Variants in UPK3A observed in about 807,000 individuals in gnomAD.
UPK3A encodes uroplakin-3a.
Under a neutral mutation model 27.6 loss-of-function variants are expected in UPK3A, and 32 were observed. The observed-to-expected ratio is 1.16, with a 90% CI of 0.87 to 1.55. The LOEUF is 1.55. UPK3A is among the 40% of genes most tolerant of loss of function. UPK3A has a pLI of 0.00. For missense variants in UPK3A, 370 were observed against 367.9 expected (o/e 1.01, Z -0.05); for synonymous variants, 171 against 163.9 (o/e 1.04, Z -0.33).
intron 4 of UPK3A, among the ~76,000 whole-genome samples, chr22:45,291,896 G>A (rs1033289995): frequency 1.3e-5 from 2 of 151,088 alleles, no homozygotes; most frequent in African/African-American, 4.9e-5. Flanking sequence ...GGGCGTGTGA[G>A]TTGGTATGTG....
chr22:45,286,124 T>C lies in UPK3A; in HGVS notation c.208+28T>C, dbSNP rs1351039317. On this transcript the variant is annotated intron_variant, in intron 2 of 5. Coordinates refer to ENST00000216211, the MANE Select transcript of UPK3A (RefSeq NM_006953.4). ...AAGGGTCCTGCTTCCCTCTGGCTAC[T>C]CCAAAAGGGGCTCTGACCTGTCTGC... 3 of 1,613,488 alleles carry C rather than the reference T, an allele frequency of 1.9e-6. No homozygotes were observed. In the African/African-American group the frequency reaches 4.0e-5, roughly 22 times the overall value.
At chr22:45,293,455 C>A (rs2084175825) in intron 5 of UPK3A, 142 bp downstream of exon 5, 1 of 1,105,582 alleles carries the variant, frequency 9.0e-7, no homozygotes, top group East Asian at 2.4e-5. Context: ...CGGGTGGGGT[C>A]TGGTGAAGAG....
rs541998846 is a variant in UPK3A, at chr22:45,286,416, C to G, written c.208+320C>G. The stretch of plus-strand genomic sequence containing the variant: ...AAGGCTCAGAGAGGTGGAATAACCC[C>G]CCCTGGACCTCCCAGGGCTGGAGAG... On this transcript the variant is annotated intron_variant, in intron 2 of 5. Transcript: ENST00000216211. 3.0e-4 allele frequency among the ~76,000 whole-genome samples: 45 copies of G among 152,264 alleles called. No homozygotes were observed. The South Asian group carries it at 8.7e-3, about 29-fold the overall frequency.
rs985495881 is a variant in UPK3A, at chr22:45,295,564, A to G, written c.709A>G (p.Met237Val). 1 of 1,612,700 alleles carries G rather than the reference A, an allele frequency of 6.2e-7. No homozygotes were observed. Among genetic ancestry groups the G allele is most frequent in the Non-Finnish European group, 8.5e-7 (1 of 1,179,460 alleles). ...TCTTTCCATCCCCTTGGACAGGGACATGGGGAGTTCTGATGGGGAAACGAC... is the reference window on the plus strand; with the variant it reads ...TCTTTCCATCCCCTTGGACAGGGACGTGGGGAGTTCTGATGGGGAAACGAC... ...AGAIALSLVDMGSSDGETTHD... is the reference protein window; with the variant it reads ...AGAIALSLVDVGSSDGETTHD... The change falls in exon 6 of 6, where the codon ATG becomes GTG. Residue 237 changes from methionine (M) to valine (V), a missense_variant. Met to Val is a conservative substitution (Grantham distance 21). Coordinates refer to ENST00000216211, the MANE Select transcript of UPK3A (RefSeq NM_006953.4).
In UPK3A at chr22:45,295,600, C is replaced by T; in HGVS notation, c.745C>T (p.Gln249Ter). The T allele has an allele frequency of 2.5e-6, 4 of 1,614,044 alleles. 1 individual carries two copies. The Middle Eastern group carries it at 5.0e-4, about 200-fold the overall frequency. ...SSDGETTHDS[Q>*]ITQEAVPKSL... Reference sequence around the variant, plus strand: ...TGATGGGGAAACGACTCACGACTCCCAAATCACTCAGGAGGCTGTTCCCAA... The same window carrying T: ...TGATGGGGAAACGACTCACGACTCCTAAATCACTCAGGAGGCTGTTCCCAA... Residue 249 changes from glutamine (Q) to a stop codon, truncating the protein, a stop_gained, in exon 6 of 6, where the codon CAA becomes TAA. Coordinates refer to ENST00000216211, the MANE Select transcript of UPK3A (RefSeq NM_006953.4). LOFTEE classifies it high-confidence loss of function.
Position 45,293,057 on chromosome 22 carries a change from AC to A in UPK3A, c.572-123del, listed in dbSNP as rs1209750744. 4 of 1,435,410 alleles carry A rather than the reference AC, an allele frequency of 2.8e-6. No homozygotes were observed. The African/African-American group carries it at 5.6e-5, about 20-fold the overall frequency. 88.9% of individuals were successfully genotyped at this position (1,435,410 alleles called of 1,614,324 possible). ...CCTAAAACCTGAGAGAAGTCGCCCCACTGGGTCCCAGGGTCATCCCTGGATC... is the reference window on the plus strand; with the variant it reads ...CCTAAAACCTGAGAGAAGTCGCCCCATGGGTCCCAGGGTCATCCCTGGATC... On this transcript the variant is annotated intron_variant, in intron 4 of 5. Transcript: ENST00000216211.
intron 2 of UPK3A, among the ~76,000 whole-genome samples, chr22:45,286,780 G>A (rs1601846836): frequency 6.6e-6 from 1 of 152,232 alleles, no homozygotes; most frequent in South Asian, 2.1e-4. Context: ...GGTAGAGTGA[G>A]TTGTCCAAGG....
At chr22:45,289,614 C>T (rs1045397429) in intron 4 of UPK3A, among the ~76,000 whole-genome samples, 3 of 148,640 alleles carry the variant, frequency 2.0e-5, no homozygotes, top group Admixed American at 6.7e-5. Flanking sequence ...ATTAGCTGGG[C>T]GTGGTGGCAC....
Position 45,295,653 on chromosome 22 carries a change from C to T in UPK3A, c.798C>T (p.Tyr266=), listed in dbSNP as rs1433196564. The part of the protein sequence containing the change: ...PKSLGASESS[Y]TSVNRGPPLD... Reference sequence around the variant, plus strand: ...CGCTGGGGGCCTCGGAGTCTTCCTACACGTCCGTGAACCGGGGGCCGCCAC... The same window carrying T: ...CGCTGGGGGCCTCGGAGTCTTCCTATACGTCCGTGAACCGGGGGCCGCCAC... Residue 266 remains tyrosine (Y), a synonymous_variant, in exon 6 of 6, where the codon TAC becomes TAT. Transcript: ENST00000216211. 6.2e-7 allele frequency: 1 copy of T among 1,614,018 alleles called. No individual in the cohort carries two copies. The highest frequency in any genetic ancestry group is 8.5e-7 in the Non-Finnish European group (1 of 1,180,020).
Position 45,290,856 on chromosome 22 carries a change from G to A in UPK3A, c.571+1713G>A, listed in dbSNP as rs111470953. The stretch of plus-strand genomic sequence containing the variant: ...GAGCGCGAACCCTGTTGTGAACTGC[G>A]CATGCCAGGGATTAGGTTGCATGCT... On this transcript the variant is annotated intron_variant, in intron 4 of 5. Transcript: ENST00000216211. Among the ~76,000 whole-genome samples, 24 of 152,258 alleles carry A rather than the reference G, an allele frequency of 1.6e-4. 1 individual carries two copies. The highest frequency in any genetic ancestry group is 4.6e-4 in the Admixed American group (7 of 15,306).
Position 45,295,665 on chromosome 22 carries a change from C to G in UPK3A, c.810C>G (p.Asn270Lys). The change falls in exon 6 of 6, where the codon AAC becomes AAG. Residue 270 changes from asparagine to lysine, a missense_variant. Asn to Lys is a moderately conservative substitution (Grantham distance 94). Coordinates refer to ENST00000216211, the MANE Select transcript of UPK3A (RefSeq NM_006953.4). Reference protein sequence around the residue: ...GASESSYTSVNRGPPLDRAEV... With the variant: ...GASESSYTSVKRGPPLDRAEV... ...CGGAGTCTTCCTACACGTCCGTGAA[C>G]CGGGGGCCGCCACTGGACAGGGCTG... is the stretch of plus-strand genomic sequence containing the variant. The G allele has an allele frequency of 1.2e-6, 2 of 1,613,908 alleles. No homozygotes were observed. Among genetic ancestry groups the G allele is most frequent in the Non-Finnish European group, 1.7e-6 (2 of 1,180,020 alleles).
chr22:45,285,951 G>A lies in UPK3A; in HGVS notation c.63G>A (p.Leu21=). ...GCLRFGSAVN[L]QPQLASVTFA... ...CACTGCCTCCTCCAGCTGTGAACCTGCAGCCCCAACTGGCCAGTGTGACTT... is the reference window on the plus strand; with the variant it reads ...CACTGCCTCCTCCAGCTGTGAACCTACAGCCCCAACTGGCCAGTGTGACTT... Residue 21 remains leucine (L), a synonymous_variant, in exon 2 of 6, where the codon CTG becomes CTA. Coordinates refer to ENST00000216211, the MANE Select transcript of UPK3A (RefSeq NM_006953.4). The A allele has an allele frequency of 6.2e-7, 1 of 1,614,024 alleles. No individual in the cohort carries two copies. Among genetic ancestry groups the A allele is most frequent in the Middle Eastern group, 1.7e-4 (1 of 5,962 alleles).
intron 4 of UPK3A, among the ~76,000 whole-genome samples, chr22:45,290,536 G>A (rs1050652628): frequency 6.6e-6 from 1 of 152,026 alleles, no homozygotes; most frequent in South Asian, 2.1e-4. Context: ...ACGGTGTTGC[G>A]TATGTGTGTG....
At chr22:45,287,538 A>T in intron 3 of UPK3A, 87 bp downstream of exon 3, 3 of 1,499,822 alleles carry the variant, frequency 2.0e-6, no homozygotes, top group Non-Finnish European at 2.7e-6. Flanking sequence ...GAGCAGCCAC[A>T]CTTCTTGAGA....
At chr22:45,294,320 C>G (rs1011584210) in intron 5 of UPK3A, among the ~76,000 whole-genome samples, 1 of 151,906 alleles carries the variant, frequency 6.6e-6, no homozygotes, top group African/African-American at 2.4e-5. Context: ...GGGTGGAGAT[C>G]GAGTGAGGAA....
intron 2 of UPK3A, among the ~76,000 whole-genome samples, chr22:45,286,654 C>T (rs193282967): frequency 3.5e-4 from 53 of 152,274 alleles, no homozygotes; most frequent in African/African-American, 1.2e-3. Flanking sequence ...ACAGCTCATT[C>T]GGGACCATCC....
In UPK3A at chr22:45,287,426, C is replaced by A. The variant is rs377117898; in HGVS notation, c.463C>A (p.Pro155Thr). ...DPNFQGLCNA[P>T]LSAATEYRFK... ...CAACTTCCAGGGCCTCTGTAACGCA[C>A]CCCTGTCGGCAGCCACGGAGTACAG... Residue 155 changes from proline to threonine, a missense_variant, in exon 3 of 6, where the codon CCC becomes ACC. Physicochemically the swap from Pro to Thr is conservative, Grantham distance 38. Coordinates refer to ENST00000216211, the MANE Select transcript of UPK3A (RefSeq NM_006953.4). 6 of 1,602,656 alleles carry A rather than the reference C, an allele frequency of 3.7e-6. No individual in the cohort carries two copies. The highest frequency in any genetic ancestry group is 2.2e-5 in the East Asian group (1 of 44,520).
chr22:45,288,914 C>G (rs575527051), intron 3 of UPK3A, 147 bp from the exon 4 acceptor site: 1 of 762,392 alleles, frequency 1.3e-6, no homozygotes, highest in Non-Finnish European at 2.3e-6. Flanking sequence ...GCCCAGAGCC[C>G]GCTCAGTAGC....
In UPK3A at chr22:45,293,207, T is replaced by C; in HGVS notation, c.598T>C (p.Trp200Arg). 6.2e-7 allele frequency: 1 copy of C among 1,614,042 alleles called. No homozygotes were observed. The highest frequency in any genetic ancestry group is 8.5e-7 in the Non-Finnish European group (1 of 1,180,030). ...QLTPYSTIDT[W>R]PGRRSGGMIV... ...CACCCCATACTCGACGATCGACACG[T>C]GGCCAGGCCGGCGGAGCGGAGGCAT... Residue 200 changes from tryptophan to arginine, a missense_variant, in exon 5 of 6, where the codon TGG (tryptophan) becomes CGG (arginine). Trp to Arg is a moderately radical substitution (Grantham distance 101). Coordinates refer to ENST00000216211, the MANE Select transcript of UPK3A (RefSeq NM_006953.4).
Sources: gnomAD v4.1 joint callset for allele counts (sites outside exome capture counted in the v4.1 genomes callset) on GRCh38, gnomAD v4.1.1 for gene constraint, MANE v1.5 for transcripts, NCBI Gene and HGNC (gene_info 2026-07-23, HGNC 2026-07-21) for gene names.